Variants in CEP128 observed in about 807,000 individuals in gnomAD.
CEP128 encodes the protein centrosomal protein 128kDa.
Under a neutral mutation model 156.7 loss-of-function variants are expected in CEP128, and 132 were observed. The ratio of observed to expected loss-of-function variants is 0.84; its 90% CI spans 0.73 to 0.97. The LOEUF is 0.97. Ranked by LOEUF, CEP128 falls within the 50% of genes least tolerant of loss-of-function variation. The pLI, the probability that CEP128 is intolerant of heterozygous loss-of-function variation, is 0.00. For missense variants in CEP128, 1,252 were observed against 1,281.9 expected (o/e 0.98, Z 0.36); for synonymous variants, 469 against 448.9 (o/e 1.04, Z -0.57).
At chr14:80,599,265 CTTTTTTTTT>C (rs375136337) in intron 19 of CEP128, among the ~76,000 whole-genome samples, 1 of 85,406 alleles carries the variant, frequency 1.2e-5, no homozygotes, top group African/African-American at 4.8e-5. Flanking sequence ...CAGTCATATT[CTTTTTTTTT>C]TTTTTTTTTT....
chr14:80,495,190 C>T (rs1887451124), downstream of CEP128, among the ~76,000 whole-genome samples: 1 of 152,146 alleles, frequency 6.6e-6, no homozygotes, highest in South Asian at 2.1e-4. Context: ...TCAAACAGGG[C>T]TGATATCACA....
chr14:80,661,568 CA>C (rs1219757115), intron 19 of CEP128, among the ~76,000 whole-genome samples: 2 of 152,086 alleles, frequency 1.3e-5, no homozygotes, highest in Non-Finnish European at 2.9e-5. Context: ...GCTAAGATGT[CA>C]AATTATTTGT....
chr14:80,817,186 T>G (rs1481780923), intron 13 of CEP128, among the ~76,000 whole-genome samples: 2 of 152,114 alleles, frequency 1.3e-5, no homozygotes, highest in Admixed American at 1.3e-4. Context: ...GAAAATAGGT[T>G]TCACTGAACT....
intron 9 of CEP128, among the ~76,000 whole-genome samples, chr14:80,852,754 C>G (rs924733955): frequency 6.6e-6 from 1 of 151,838 alleles, no homozygotes. Context: ...GATAATCCCT[C>G]TCTTACACAA....
chr14:80,882,297 C>A (rs1210635867), intron 8 of CEP128, among the ~76,000 whole-genome samples: 1 of 151,922 alleles, frequency 6.6e-6, no homozygotes, highest in African/African-American at 2.4e-5. Context: ...AGAAGGCATA[C>A]AAATGGCAAG....
At chr14:80,485,979 G>C (rs1262887231), downstream of CEP128, among the ~76,000 whole-genome samples, 2 of 152,174 alleles carry the variant, frequency 1.3e-5, no homozygotes, top group Non-Finnish European at 2.9e-5. Flanking sequence ...AACACAGTTT[G>C]AGGAGCTATG....
At chr14:80,777,645 A>C (rs745358031) in intron 16 of CEP128, among the ~76,000 whole-genome samples, 1 of 152,120 alleles carries the variant, frequency 6.6e-6, no homozygotes, top group Non-Finnish European at 1.5e-5. Context: ...CTAAATTTCT[A>C]TTTTAAGACA....
chr14:80,664,074 A>T (rs1895512769), intron 19 of CEP128, among the ~76,000 whole-genome samples: 1 of 152,204 alleles, frequency 6.6e-6, no homozygotes, highest in Non-Finnish European at 1.5e-5. Flanking sequence ...TTCTTGGAAA[A>T]TGTGCACTTC....
At chr14:80,555,268 T>C (rs1244495809) in intron 21 of CEP128, among the ~76,000 whole-genome samples, 1 of 152,172 alleles carries the variant, frequency 6.6e-6, no homozygotes, top group Non-Finnish European at 1.5e-5. Flanking sequence ...CACATCTGTC[T>C]GGGCTTCCTG....
In CEP128 at chr14:80,735,721, C is replaced by T. The variant is rs369862343; in HGVS notation, c.2806+7354G>A. Among the ~76,000 whole-genome samples the T allele has an allele frequency of 5.3e-5, 8 of 152,274 alleles. No homozygotes were observed. In the East Asian group the frequency reaches 1.5e-3, roughly 29 times the overall value. On this transcript the variant is annotated intron_variant, in intron 19 of 24. Transcript: ENST00000555265. ...TTCAATACGTCTTACTGGGCTAAAT[C>T]AAGTGTTAGCAAGGGTACCTTCCTT... is the stretch of plus-strand genomic sequence containing the variant.
chr14:80,582,936 C>A (rs1891652274), intron 19 of CEP128, among the ~76,000 whole-genome samples: 1 of 152,064 alleles, frequency 6.6e-6, no homozygotes, highest in Non-Finnish European at 1.5e-5. Context: ...TCATCAACCA[C>A]AAAAGAAAAC....
At chr14:80,954,941 T>C (rs1886573568) in intron 2 of CEP128, 1 of 153,300 alleles carries the variant, frequency 6.5e-6, no homozygotes, top group Non-Finnish European at 1.5e-5. Context: ...GTTCAGTTCC[T>C]GAATTGCCTC....
In CEP128 at chr14:80,862,789, G is replaced by T. The variant is rs1171228455; in HGVS notation, c.730C>A (p.Gln244Lys). The T allele has an allele frequency of 6.2e-7, 1 of 1,613,612 alleles. No individual in the cohort carries two copies. The highest frequency in any genetic ancestry group is 1.1e-5 in the South Asian group (1 of 91,052). The change falls in exon 9 of 25, where the codon CAA becomes AAA. Residue 244 changes from glutamine (Q) to lysine (K), a missense_variant. Coordinates refer to ENST00000555265, the MANE Select transcript of CEP128 (RefSeq NM_152446.5). ...AGCTGCAGGGACATGAGTCCCAGTTGATCCTGGCGTCTTTCCACCAGCTCC... is the reference window on the plus strand; with the variant it reads ...AGCTGCAGGGACATGAGTCCCAGTTTATCCTGGCGTCTTTCCACCAGCTCC... ...ERELVERRQD[Q>K]LGLMSLQLQE...
At chr14:80,764,270 G>A (rs926605126) in intron 16 of CEP128, among the ~76,000 whole-genome samples, 3 of 151,650 alleles carry the variant, frequency 2.0e-5, no homozygotes, top group Admixed American at 1.3e-4. Context: ...AGGCCGAGGC[G>A]GGTGGATCAT....
chr14:80,596,966 G>A (rs1892355346), intron 19 of CEP128, among the ~76,000 whole-genome samples: 1 of 149,700 alleles, frequency 6.7e-6, no homozygotes, highest in Non-Finnish European at 1.5e-5. Flanking sequence ...CATTTGAAAA[G>A]AGGAAAAGTC....
At chr14:80,888,896 CA>C (rs1888941209) in intron 8 of CEP128, among the ~76,000 whole-genome samples, 1 of 152,050 alleles carries the variant, frequency 6.6e-6, no homozygotes, top group Non-Finnish European at 1.5e-5. Context: ...TTCTCAGCCC[CA>C]AAATTCCTTA....
Position 80,497,593 on chromosome 14 carries a change from A to T in CEP128, c.3182-11T>A. ...TTCTTTTGGTAAATGCTGGCAAGGT[A>T]AGAAGAAAAAGAAAAATAAACCTAG... On this transcript the variant is annotated splice_polypyrimidine_tract_variant and intron_variant, in intron 24 of 24. Transcript: ENST00000555265. 1 of 1,576,884 alleles carries T rather than the reference A, an allele frequency of 6.3e-7. No individual in the cohort carries two copies. The highest frequency in any genetic ancestry group is 8.7e-7 in the Non-Finnish European group (1 of 1,149,666).
chr14:80,543,788 G>C (rs1889866715), intron 21 of CEP128, among the ~76,000 whole-genome samples: 1 of 152,170 alleles, frequency 6.6e-6, no homozygotes, highest in Non-Finnish European at 1.5e-5. Context: ...ATAGGAAAAA[G>C]AGTTGGTCTT....
At chr14:80,801,051 C>T (rs1398622774) in intron 13 of CEP128, among the ~76,000 whole-genome samples, 1 of 152,102 alleles carries the variant, frequency 6.6e-6, no homozygotes, top group Non-Finnish European at 1.5e-5. Flanking sequence ...CCACTGGTGG[C>T]TGATTATGAC....
Sources: gnomAD v4.1 joint callset for allele counts (sites outside exome capture counted in the v4.1 genomes callset) on GRCh38, gnomAD v4.1.1 for gene constraint, MANE v1.5 for transcripts, NCBI Gene and HGNC (gene_info 2026-07-23, HGNC 2026-07-21) for gene names.